FERMT2: variants seen among roughly 807,000 people sequenced by gnomAD.
FERMT2 encodes FERM domain containing kindlin 2, also known as fermitin family homolog 2.
In FERMT2, 15 loss-of-function variants were observed where a neutral mutation model predicts 82.7. That is an observed-to-expected ratio of 0.18 (90% CI 0.12 to 0.28). FERMT2 has a LOEUF of 0.28. FERMT2 is among the 10% of genes least tolerant of loss of function. The probability of loss-of-function intolerance (pLI) is 1.00; values close to 1 mark genes in which losing one functional copy is unlikely to be tolerated. For synonymous variants in FERMT2, 274 were observed against 271.5 expected (o/e 1.01, Z -0.09); for missense variants, 645 against 809.4 (o/e 0.80, Z 2.46).
chr14:52,916,141 C>T (rs1171553599), intron 3 of FERMT2, among the ~76,000 whole-genome samples: 1 of 151,836 alleles, frequency 6.6e-6, no homozygotes, highest in East Asian at 1.9e-4. Context: ...GTCAGGAGTT[C>T]GAGACCAGCC....
chr14:52,887,138 C>CTT (rs879787163), intron 4 of FERMT2, among the ~76,000 whole-genome samples: 6 of 141,910 alleles, frequency 4.2e-5, no homozygotes, highest in Admixed American at 7.1e-5. Flanking sequence ...GATCCCAGCA[C>CTT]TTTTTTTTTT....
At position 52,950,427 on chromosome 14, in the gene FERMT2, G is replaced by C. The variant is rs1367257957; in HGVS notation, c.142C>G (p.Leu48Val). ...TGCTACTCACCGAGTTTCTCCACCA[G>C]CTTAAGCATCACGCCTCCAATGTGC... is the stretch of plus-strand genomic sequence containing the variant. ...EVHIGGVMLK[L>V]VEKLDVKKDW... Residue 48 changes from leucine (L) to valine (V), a missense_variant, in exon 2 of 15, where the codon CTG becomes GTG. By Grantham distance (32) the Leu-to-Val change is conservative. Transcript: ENST00000341590. 1 of 1,613,804 alleles carries C rather than the reference G, an allele frequency of 6.2e-7. No individual in the cohort carries two copies. The highest frequency in any genetic ancestry group is 1.3e-5 in the African/African-American group (1 of 74,990).
At chr14:52,883,643 A>C (rs767573819) in intron 4 of FERMT2, among the ~76,000 whole-genome samples, 1 of 152,208 alleles carries the variant, frequency 6.6e-6, no homozygotes, top group Admixed American at 6.5e-5. Context: ...ACTCCCCCTA[A>C]ATCACTGATA....
chr14:52,907,525 C>T (rs909281463), intron 3 of FERMT2, among the ~76,000 whole-genome samples: 2 of 151,974 alleles, frequency 1.3e-5, no homozygotes, highest in Non-Finnish European at 1.5e-5. Flanking sequence ...GCGAAAATAA[C>T]GTACTGTGGG....
At chr14:52,916,494 A>G (rs893394574) in intron 3 of FERMT2, among the ~76,000 whole-genome samples, 3 of 152,234 alleles carry the variant, frequency 2.0e-5, no homozygotes, top group East Asian at 3.8e-4. Flanking sequence ...ATATTCTGGA[A>G]AGGGCAAAAC....
chr14:52,882,926 G>A (rs187860908), intron 4 of FERMT2, among the ~76,000 whole-genome samples: 21 of 152,200 alleles, frequency 1.4e-4, no homozygotes, highest in Non-Finnish European at 2.5e-4. Context: ...GGCCAGGTGT[G>A]GTGGCTCACT....
chr14:52,864,704 T>C (rs940646305), intron 11 of FERMT2, 43 bp downstream of exon 11: 1 of 1,575,260 alleles, frequency 6.3e-7, no homozygotes, highest in Non-Finnish European at 8.7e-7. Context: ...ACTGGTCAAC[T>C]CATTTAAGAA....
intron 10 of FERMT2, among the ~76,000 whole-genome samples, chr14:52,868,871 G>A (rs1421500637): frequency 6.6e-6 from 1 of 152,190 alleles, no homozygotes; most frequent in Non-Finnish European, 1.5e-5. Context: ...CAGACCATTT[G>A]ATTCTTGGTC....
chr14:52,919,443 ATT>A, intron 2 of FERMT2, 87 bp from the exon 3 acceptor site: 1 of 832,844 alleles, frequency 1.2e-6, no homozygotes, highest in South Asian at 1.7e-5. Flanking sequence ...ATAATTGGGT[ATT>A]TAACAGCAAT....
chr14:52,858,397 G>A lies in FERMT2; in HGVS notation c.2023C>T (p.Leu675Phe). 6.2e-7 allele frequency: 1 copy of A among 1,614,062 alleles called. No individual in the cohort carries two copies. Among genetic ancestry groups the A allele is most frequent in the East Asian group, 2.2e-5 (1 of 44,888 alleles). The change falls in exon 15 of 15, where the codon CTT (leucine) becomes TTT (phenylalanine). Residue 675 changes from leucine to phenylalanine, a missense_variant. Leu to Phe is a conservative substitution (Grantham distance 22). Transcript: ENST00000341590. Reference sequence around the variant, plus strand: ...CCTATTCACACCCAACCACTGGTAAGTTTGTAGAACATCTCTTCATCTAAA... The same window carrying A: ...CCTATTCACACCCAACCACTGGTAAATTTGTAGAACATCTCTTCATCTAAA... ...ESLDEEMFYK[L>F]TSGWV
intron 3 of FERMT2, among the ~76,000 whole-genome samples, chr14:52,918,096 G>C (rs1173587244): frequency 6.6e-6 from 1 of 152,192 alleles, no homozygotes; most frequent in Non-Finnish European, 1.5e-5. Flanking sequence ...CAACCTAACT[G>C]ATCATTAACA....
At chr14:52,939,823 A>T (rs1210536909) in intron 2 of FERMT2, among the ~76,000 whole-genome samples, 2 of 152,156 alleles carry the variant, frequency 1.3e-5, no homozygotes, top group East Asian at 3.9e-4. Flanking sequence ...AGTTATTTTT[A>T]ATTTCAAAGG....
At chr14:52,864,918 G>T in intron 10 of FERMT2, 65 bp from the exon 11 acceptor site, 1 of 936,338 alleles carries the variant, frequency 1.1e-6, no homozygotes, top group Non-Finnish European at 1.7e-6. Flanking sequence ...GTCAATACAA[G>T]CAGCCCTCAT....
chr14:52,936,737 TA>T (rs1319571320), intron 2 of FERMT2, among the ~76,000 whole-genome samples: 1 of 152,164 alleles, frequency 6.6e-6, no homozygotes, highest in Non-Finnish European at 1.5e-5. Flanking sequence ...GATCTCAGCT[TA>T]AAAGTCATTT....
intron 2 of FERMT2, among the ~76,000 whole-genome samples, chr14:52,922,545 G>A (rs1430211716): frequency 6.6e-6 from 1 of 152,134 alleles, no homozygotes; most frequent in African/African-American, 2.4e-5. Flanking sequence ...ATAAAAGACA[G>A]GCTCAAACAA....
intron 2 of FERMT2, among the ~76,000 whole-genome samples, chr14:52,925,945 A>G (rs1889244429): frequency 1.3e-5 from 2 of 152,278 alleles, no homozygotes; most frequent in African/African-American, 4.8e-5. Context: ...CGCCCGGCAC[A>G]GATGCGGTAA....
intron 10 of FERMT2, among the ~76,000 whole-genome samples, chr14:52,868,799 A>T (rs1303920013): frequency 1.3e-5 from 2 of 152,146 alleles, no homozygotes; most frequent in East Asian, 3.9e-4. Flanking sequence ...AGCGTGTACA[A>T]CATAGTCTCA....
intron 12 of FERMT2, chr14:52,861,589 T>C (rs1350124578): frequency 6.5e-6 from 1 of 152,740 alleles, no homozygotes. Context: ...TCAGTTACCA[T>C]GTGTTTTTTG....
chr14:52,890,444 GAA>G (rs1239140523), intron 4 of FERMT2, among the ~76,000 whole-genome samples: 4 of 104,348 alleles, frequency 3.8e-5, no homozygotes, highest in Admixed American at 1.1e-4. Context: ...CACTCCGTCT[GAA>G]AAAAAAAAAA....
Sources: allele counts gnomAD v4.1 joint callset (sites outside exome capture counted in the v4.1 genomes callset), GRCh38; gene constraint gnomAD v4.1.1; transcripts MANE v1.5; gene names NCBI Gene and HGNC (gene_info 2026-07-23, HGNC 2026-07-21).